The following DAB1 variants were observed in gnomAD, a reference collection of about 807,000 sequenced individuals.
DAB1 encodes disabled homolog 1.
In DAB1, 15 loss-of-function variants were observed where a neutral mutation model predicts 64.6. The ratio of observed to expected loss-of-function variants is 0.23; its 90% CI spans 0.16 to 0.36. The LOEUF (loss-of-function observed/expected upper bound fraction) is 0.36. Among genes scored for constraint, DAB1 ranks in the 10% least tolerant of loss-of-function variants. The pLI, the probability that DAB1 is intolerant of heterozygous loss-of-function variation, is 1.00. For missense variants in DAB1, 596 were observed against 706.7 expected, an observed-to-expected ratio of 0.84 and a Z score of 1.78; for synonymous variants, 235 against 251.9, an observed-to-expected ratio of 0.93 and a Z score of 0.64.
intron 2 of DAB1, among the ~76,000 whole-genome samples, chr1:57,222,458 C>T (rs1301572849): frequency 2.0e-5 from 3 of 152,098 alleles, no homozygotes; most frequent in Non-Finnish European, 4.4e-5. Flanking sequence ...GCTCAGGACT[C>T]CAAGAGAACA....
chr1:58,133,935 C>T (rs1490254334), intron 5 of DAB1, among the ~76,000 whole-genome samples: 1 of 152,098 alleles, frequency 6.6e-6, no homozygotes, highest in Non-Finnish European at 1.5e-5. Flanking sequence ...CTTACTTTCC[C>T]ACCCCCAAGG....
intron 1 of DAB1, chr1:58,539,331 T>C (rs1343413520): frequency 3.8e-6 from 3 of 781,626 alleles, no homozygotes; most frequent in South Asian, 1.6e-5. Context: ...AAAAAAACTA[T>C]AAATATCTGT....
intron 3 of DAB1, among the ~76,000 whole-genome samples, chr1:58,462,065 GT>G (rs1199164826): frequency 1.3e-5 from 2 of 150,952 alleles, no homozygotes; most frequent in Non-Finnish European, 2.9e-5. Context: ...ACTCAGGGGG[GT>G]AATTGGCAGA....
intron 1 of DAB1, among the ~76,000 whole-genome samples, chr1:57,389,095 C>G (rs1039560582): frequency 2.0e-5 from 3 of 152,190 alleles, no homozygotes; most frequent in South Asian, 2.1e-4. Context: ...ATGGGTGGAA[C>G]CTTGTCCTAT....
At position 57,704,327 on chromosome 1, in the gene DAB1, C is replaced by T. The variant is rs907799608; in HGVS notation, n.552-54662G>A. ...GGGCTAGGCACTCTCCAGTTTGCTG[C>T]ACTCCCCACCAATGCCTCTCATATT... On this transcript the variant is annotated intron_variant and non_coding_transcript_variant, in intron 6 of 20. Transcript: ENST00000485760. 9.2e-5 allele frequency among the ~76,000 whole-genome samples: 14 copies of T among 152,284 alleles called. No homozygotes were observed. In the South Asian group the frequency reaches 2.9e-3, roughly 32 times the overall value.
chr1:58,469,915 ATTCT>A (rs1645337640), intron 3 of DAB1, among the ~76,000 whole-genome samples: 1 of 151,928 alleles, frequency 6.6e-6, no homozygotes, highest in South Asian at 2.1e-4. Context: ...AATTTGTGAA[ATTCT>A]TTCAGCTTCC....
intron 3 of DAB1, among the ~76,000 whole-genome samples, chr1:58,497,181 T>C (rs1290125870): frequency 6.6e-6 from 1 of 152,186 alleles, no homozygotes; most frequent in East Asian, 1.9e-4. Flanking sequence ...ATCTACAATG[T>C]GGGATTATAT....
At chr1:57,672,920 G>A (rs969060874) in intron 6 of DAB1, among the ~76,000 whole-genome samples, 2 of 152,108 alleles carry the variant, frequency 1.3e-5, no homozygotes, top group Admixed American at 6.6e-5. Context: ...ATTAATTATT[G>A]CTTTGGGGTT....
At chr1:57,671,670 C>T (rs775178914) in intron 6 of DAB1, among the ~76,000 whole-genome samples, 28 of 151,998 alleles carry the variant, frequency 1.8e-4, no homozygotes, top group Non-Finnish European at 3.8e-4. Flanking sequence ...CTCATGCTCC[C>T]TCCTTTGCCT....
chr1:57,966,059 C>T (rs1349887369), intron 5 of DAB1, among the ~76,000 whole-genome samples: 1 of 152,072 alleles, frequency 6.6e-6, no homozygotes, highest in African/African-American at 2.4e-5. Context: ...TTATTCAATG[C>T]ACAAATGGAT....
At chr1:57,758,143 G>A (rs1193488315) in intron 6 of DAB1, among the ~76,000 whole-genome samples, 1 of 152,150 alleles carries the variant, frequency 6.6e-6, no homozygotes, top group Non-Finnish European at 1.5e-5. Flanking sequence ...AATAACAAAA[G>A]TAAAGGGTCT....
At chr1:57,310,815 G>A (rs1235687711) in intron 1 of DAB1, among the ~76,000 whole-genome samples, 1 of 152,138 alleles carries the variant, frequency 6.6e-6, no homozygotes, top group Admixed American at 6.5e-5. Flanking sequence ...TAGATGCAGA[G>A]AGTTAAAGTT....
intron 7 of DAB1, among the ~76,000 whole-genome samples, chr1:57,619,334 G>T (rs985843815): frequency 1.3e-5 from 2 of 152,162 alleles, no homozygotes; most frequent in Admixed American, 1.3e-4. Context: ...ACATGACAAC[G>T]CTGTGCTAGG....
At chr1:57,071,487 C>G (rs1436588690) in intron 6 of DAB1, 35 bp downstream of exon 6, 1 of 1,593,360 alleles carries the variant, frequency 6.3e-7, no homozygotes, top group East Asian at 2.3e-5. Flanking sequence ...TTTGAAGGCC[C>G]GATCTCCAGC....
At chr1:57,180,553 C>G (rs961974707) in intron 2 of DAB1, among the ~76,000 whole-genome samples, 5 of 152,026 alleles carry the variant, frequency 3.3e-5, no homozygotes, top group African/African-American at 1.2e-4. Flanking sequence ...TTTTAAGGGG[C>G]CTCTGAAATC....
At chr1:57,297,834 G>A (rs1385686057) in intron 1 of DAB1, among the ~76,000 whole-genome samples, 1 of 152,152 alleles carries the variant, frequency 6.6e-6, no homozygotes, top group African/African-American at 2.4e-5. Flanking sequence ...GGCTAGCTGA[G>A]TTTAAAATTA....
chr1:58,331,026 G>A (rs557222705), intron 4 of DAB1, among the ~76,000 whole-genome samples: 12 of 152,198 alleles, frequency 7.9e-5, no homozygotes, highest in Admixed American at 2.0e-4. Flanking sequence ...TGATTCCTCT[G>A]ATGGATCTGG....
At chr1:58,527,715 A>G (rs1646374087) in intron 1 of DAB1, among the ~76,000 whole-genome samples, 1 of 152,236 alleles carries the variant, frequency 6.6e-6, no homozygotes, top group Admixed American at 6.5e-5. Context: ...AAGAAAATCA[A>G]GAAAACGTAG....
chr1:57,176,176 A>G (rs1390742084), intron 2 of DAB1, among the ~76,000 whole-genome samples: 2 of 152,092 alleles, frequency 1.3e-5, no homozygotes, highest in Non-Finnish European at 2.9e-5. Flanking sequence ...TTCAGCATTA[A>G]CCAATGTTAT....
Sources: gnomAD v4.1 joint callset for allele counts (sites outside exome capture counted in the v4.1 genomes callset) on GRCh38, gnomAD v4.1.1 for gene constraint, MANE v1.5 for transcripts, NCBI Gene and HGNC (gene_info 2026-07-23, HGNC 2026-07-21) for gene names.